CDC20B: variants seen among roughly 807,000 people sequenced by gnomAD.
The protein encoded by CDC20B is cell division cycle protein 20 homolog B.
In CDC20B, 58 loss-of-function variants were observed where a neutral mutation model predicts 64.1. That is an observed-to-expected ratio of 0.90 (90% CI 0.73 to 1.13). CDC20B has a LOEUF of 1.13. Among genes scored for constraint, CDC20B ranks in the 50% most tolerant of loss-of-function variants. The probability of loss-of-function intolerance (pLI) is 0.00; values close to 1 mark genes in which losing one functional copy is unlikely to be tolerated. For missense variants in CDC20B, 597 were observed against 633.0 expected, an observed-to-expected ratio of 0.94 and a Z score of 0.61; for synonymous variants, 243 against 230.6, an observed-to-expected ratio of 1.05 and a Z score of -0.49.
chr5:55,172,025 G>A (rs1296652570), intron 2 of CDC20B, among the ~76,000 whole-genome samples: 1 of 152,192 alleles, frequency 6.6e-6, no homozygotes, highest in East Asian at 1.9e-4. Flanking sequence ...ATGGTAAATG[G>A]TGACAGAGAT....
chr5:55,155,705 G>A (rs1396165701), intron 2 of CDC20B, among the ~76,000 whole-genome samples: 5 of 152,012 alleles, frequency 3.3e-5, no homozygotes, highest in South Asian at 2.1e-4. Context: ...TATCTCTATC[G>A]CCAGCAGCTG....
chr5:55,153,701 C>T (rs1743736820), intron 2 of CDC20B, among the ~76,000 whole-genome samples: 1 of 152,112 alleles, frequency 6.6e-6, no homozygotes, highest in Non-Finnish European at 1.5e-5. Flanking sequence ...GTTGATTACT[C>T]TAAGCTGAAA....
At chr5:55,129,016 A>G (rs1742964141) in intron 6 of CDC20B, among the ~76,000 whole-genome samples, 1 of 152,184 alleles carries the variant, frequency 6.6e-6, no homozygotes. Flanking sequence ...TTTCTAACCA[A>G]AAACACCACC....
At chr5:55,135,396 T>C (rs1213708317) in intron 5 of CDC20B, among the ~76,000 whole-genome samples, 1 of 146,386 alleles carries the variant, frequency 6.8e-6, no homozygotes, top group Non-Finnish European at 1.5e-5. Context: ...TGTTGCTGTT[T>C]AGGACAAAAG....
At chr5:55,172,274 AAC>A (rs1561100249) in intron 2 of CDC20B, 2 of 275,288 alleles carry the variant, frequency 7.3e-6, no homozygotes, top group African/African-American at 4.6e-5. Flanking sequence ...TTCTGAATGC[AAC>A]AGAGAGGAGT....
intron 4 of CDC20B, among the ~76,000 whole-genome samples, chr5:55,143,173 G>A (rs1352494351): frequency 6.6e-6 from 1 of 152,206 alleles, no homozygotes; most frequent in Non-Finnish European, 1.5e-5. Flanking sequence ...AGTTGGAAAT[G>A]ATGACAGCAA....
At chr5:55,134,531 G>C (rs1234702177) in intron 5 of CDC20B, among the ~76,000 whole-genome samples, 1 of 152,170 alleles carries the variant, frequency 6.6e-6, no homozygotes, top group Non-Finnish European at 1.5e-5. Flanking sequence ...AGGAGCTGAG[G>C]CAGGCAGATT....
chr5:55,139,019 T>C (rs113758505), intron 5 of CDC20B, among the ~76,000 whole-genome samples: 1,713 of 150,604 alleles, frequency 0.011, 36 homozygotes, highest in African/African-American at 0.04. Context: ...TCTCCAAGAA[T>C]GAAAATATCC....
intron 2 of CDC20B, among the ~76,000 whole-genome samples, chr5:55,153,104 T>A (rs1425841147): frequency 6.0e-5 from 9 of 150,884 alleles, no homozygotes; most frequent in African/African-American, 1.9e-4. Context: ...CTGGGCACGG[T>A]GGTGTGTGCC....
chr5:55,163,227 A>C (rs1744184662), intron 2 of CDC20B, among the ~76,000 whole-genome samples: 1 of 152,170 alleles, frequency 6.6e-6, no homozygotes, highest in African/African-American at 2.4e-5. Flanking sequence ...GATTTATCAA[A>C]AGGATATCAT....
intron 4 of CDC20B, among the ~76,000 whole-genome samples, chr5:55,142,662 C>T (rs1307050192): frequency 3.9e-5 from 6 of 152,110 alleles, no homozygotes; most frequent in South Asian, 2.1e-4. Context: ...TAGGACTCCC[C>T]GGCCATTCCC....
chr5:55,166,810 C>T (rs1744415850), intron 2 of CDC20B: 3 of 152,318 alleles, frequency 2.0e-5, no homozygotes, highest in South Asian at 2.1e-4. Context: ...GGGTGGATCA[C>T]TTCAGGTCAG....
chr5:55,145,072 AAATT>A (rs1257801225), intron 3 of CDC20B, among the ~76,000 whole-genome samples: 16 of 152,236 alleles, frequency 1.1e-4, no homozygotes, highest in South Asian at 4.1e-4. Context: ...AAAAATCAAT[AAATT>A]AATTAAGAAC....
At chr5:55,156,888 A>G (rs1743823911) in intron 2 of CDC20B, among the ~76,000 whole-genome samples, 1 of 152,162 alleles carries the variant, frequency 6.6e-6, no homozygotes, top group African/African-American at 2.4e-5. Flanking sequence ...AATAATAATA[A>G]TAAATAAAAA....
At chr5:55,130,130 A>G (rs1346742322) in intron 6 of CDC20B, among the ~76,000 whole-genome samples, 2 of 152,322 alleles carry the variant, frequency 1.3e-5, no homozygotes, top group East Asian at 3.9e-4. Flanking sequence ...AGAAAAATCA[A>G]AAGTATTTTC....
At chr5:55,121,123 A>G (rs1215763355) in intron 9 of CDC20B, among the ~76,000 whole-genome samples, 2 of 152,222 alleles carry the variant, frequency 1.3e-5, no homozygotes, top group Admixed American at 6.5e-5. Context: ...ACACATTTAT[A>G]TTGATAATTG....
At chr5:55,160,061 G>T (rs1390058736) in intron 2 of CDC20B, 5 of 639,282 alleles carry the variant, frequency 7.8e-6, no homozygotes, top group Non-Finnish European at 1.1e-5. Flanking sequence ...TCTGAGAAGT[G>T]GTCTTTCTGT....
intron 6 of CDC20B, among the ~76,000 whole-genome samples, chr5:55,130,484 A>C (rs1289264050): frequency 1.3e-5 from 2 of 152,204 alleles, no homozygotes; most frequent in Non-Finnish European, 2.9e-5. Flanking sequence ...TGGAGGCCAC[A>C]GTCAATGGAA....
chr5:55,133,293 C>A (rs1355347680), intron 6 of CDC20B, 119 bp downstream of exon 6: 18 of 481,536 alleles, frequency 3.7e-5, no homozygotes, highest in Non-Finnish European at 4.8e-5. Flanking sequence ...TTGGATGCTA[C>A]ACTATTTGGA....
Sources: gnomAD v4.1 joint callset for allele counts (sites outside exome capture counted in the v4.1 genomes callset) on GRCh38, gnomAD v4.1.1 for gene constraint, MANE v1.5 for transcripts, NCBI Gene and HGNC (gene_info 2026-07-23, HGNC 2026-07-21) for gene names.